MON2: variants seen among roughly 807,000 people sequenced by gnomAD.
MON2 encodes the protein MON2 regulator of endosome-to-Golgi trafficking, also known as protein MON2 homolog.
In MON2, 84 loss-of-function variants were observed where a neutral mutation model predicts 208.6. That is an observed-to-expected ratio of 0.40 (90% CI 0.34 to 0.48). The LOEUF is 0.48. Ranked by LOEUF, MON2 falls within the 20% of genes least tolerant of loss-of-function variation. MON2 has a pLI of 0.59. For missense variants in MON2, 1,611 were observed against 2,015.4 expected (o/e 0.80, Z 3.84); for synonymous variants, 660 against 694.0 (o/e 0.95, Z 0.77).
intron 20 of MON2, 169 bp from the exon 21 acceptor site, chr12:62,544,729 T>C: frequency 6.6e-7 from 1 of 1,509,704 alleles, no homozygotes. Flanking sequence ...ATCTTTTTTC[T>C]TCTGTCTCTC....
At position 62,549,823 on chromosome 12, in the gene MON2, G is replaced by A; in HGVS notation, c.2909G>A (p.Gly970Asp). 1 of 1,587,268 alleles carries A rather than the reference G, an allele frequency of 6.3e-7. No homozygotes were observed. The highest frequency in any genetic ancestry group is 8.6e-7 in the Non-Finnish European group (1 of 1,166,090). The change falls in exon 23 of 35, where the codon GGT (glycine) becomes GAT (aspartate). Residue 970 changes from glycine (G) to aspartate (D), a missense_variant. Gly to Asp is a moderately conservative substitution (Grantham distance 94). Transcript: ENST00000393630. Reference protein sequence around the residue: ...QELNISLTSIGLLWNISDYFF... With the variant: ...QELNISLTSIDLLWNISDYFF... ...CTCAATATTAGTTTAACTTCAATAGGTTTATTGGTAAGTATCATTGTCCTT... is the reference window on the plus strand; with the variant it reads ...CTCAATATTAGTTTAACTTCAATAGATTTATTGGTAAGTATCATTGTCCTT...
chr12:62,478,121 T>TTGTG (rs59861392), intron 1 of MON2, among the ~76,000 whole-genome samples: 2,581 of 149,772 alleles, frequency 0.017, 28 homozygotes, highest in African/African-American at 0.032. Flanking sequence ...TAGATATAAT[T>TTGTG]TGTGTGTGTG....
At chr12:62,492,392 T>C (rs1247978079) in intron 2 of MON2, among the ~76,000 whole-genome samples, 1 of 118,434 alleles carries the variant, frequency 8.4e-6, no homozygotes, top group African/African-American at 3.3e-5. Context: ...TGAGACGGAG[T>C]CTCGCTCTGT....
intron 30 of MON2, among the ~76,000 whole-genome samples, chr12:62,574,916 G>C (rs2074720974): frequency 6.6e-6 from 1 of 152,060 alleles, no homozygotes; most frequent in Admixed American, 6.5e-5. Context: ...TTGGGCCCAG[G>C]AGTTCAAGAC....
At chr12:62,587,912 G>T in intron 33 of MON2, 162 bp from the exon 34 acceptor site, 2 of 522,248 alleles carry the variant, frequency 3.8e-6, no homozygotes, top group Non-Finnish European at 6.8e-6. Flanking sequence ...TAAATAAAAT[G>T]ATTTTTACTT....
chr12:62,515,035 G>A (rs1261140074), intron 8 of MON2, among the ~76,000 whole-genome samples: 3 of 152,206 alleles, frequency 2.0e-5, no homozygotes, highest in Admixed American at 6.5e-5. Context: ...TGCACTGTTG[G>A]TGGGAATATA....
Position 62,588,107 on chromosome 12 carries a change from A to C in MON2, c.4941A>C (p.Lys1647Asn), listed in dbSNP as rs200438950. Residue 1647 changes from lysine to asparagine, a missense_variant, in exon 34 of 35, where the codon AAA (lysine) becomes AAC (asparagine). Lys to Asn is a moderately conservative substitution (Grantham distance 94, BLOSUM62 0). Transcript: ENST00000393630. ...TAACAGAAATTATATTTGTTTTAAA[A>C]GCAGTCAGTACTCTTATTGATTCAC... ...QQVTEIIFVL[K>N]AVSTLIDSLK... The C allele has an allele frequency of 6.3e-7, 1 of 1,582,928 alleles. No homozygotes were observed.
intron 20 of MON2, among the ~76,000 whole-genome samples, chr12:62,543,412 G>A (rs1052690480): frequency 6.6e-6 from 1 of 152,060 alleles, no homozygotes; most frequent in Non-Finnish European, 1.5e-5. Flanking sequence ...CTGAAAATGG[G>A]TGACATTTTA....
intron 32 of MON2, among the ~76,000 whole-genome samples, chr12:62,583,949 A>G (rs1487156347): frequency 2.7e-5 from 4 of 146,754 alleles, no homozygotes; most frequent in Non-Finnish European, 4.5e-5. Context: ...GACAGAGTGA[A>G]GACCCTGTCT....
chr12:62,506,587 G>A (rs2071110137), intron 7 of MON2, among the ~76,000 whole-genome samples: 1 of 152,118 alleles, frequency 6.6e-6, no homozygotes, highest in Admixed American at 6.5e-5. Flanking sequence ...TTAGCCAGGT[G>A]TGGTGGCAGA....
In MON2 at chr12:62,592,949, G is replaced by A; in HGVS notation, c.*200G>A. On this transcript the variant is annotated 3_prime_UTR_variant, in exon 35 of 35. Coordinates refer to ENST00000393630, the MANE Select transcript of MON2 (RefSeq NM_015026.3). Reference sequence around the variant, plus strand: ...CAAAGGCTCCTGAATGAACAGCAGTGTAAGGCTTTAATAAATTAAACTGAT... The same window carrying A: ...CAAAGGCTCCTGAATGAACAGCAGTATAAGGCTTTAATAAATTAAACTGAT... 2.2e-6 allele frequency: 1 copy of A among 463,498 alleles called. No homozygotes were observed. The highest frequency in any genetic ancestry group is 4.5e-5 in the South Asian group (1 of 22,054). The allele number at this position is 463,498 out of a possible 1,614,324, so 28.7% of individuals were successfully genotyped here.
rs190349877 is a variant in MON2 at position 62,517,579 on chromosome 12, T to C, written c.985-6936T>C. ...TCCCTCATAGAAAGACACCAGAGCA[T>C]GCTTGCTCTCTCACTTTCTTGCCCT... is the stretch of plus-strand genomic sequence containing the variant. On this transcript the variant is annotated intron_variant, in intron 8 of 34. Transcript: ENST00000393630. 2.0e-5 allele frequency among the ~76,000 whole-genome samples: 3 copies of C among 152,286 alleles called. No individual in the cohort carries two copies. The East Asian group carries it at 5.8e-4, about 29-fold the overall frequency.
Position 62,560,498 on chromosome 12 carries a change from T to C in MON2, c.3417T>C (p.Phe1139=). Residue 1139 remains phenylalanine, a synonymous_variant, in exon 26 of 35, where the codon TTT becomes TTC. Transcript: ENST00000393630. ...TTTCTCTTCCTAATATAGGAGATTT[T>C]TCAAGAGCTTGGGATGTTCTTCTTG... ...RRYLLQPLGD[F]SRAWDVLLDH... The C allele has an allele frequency of 6.3e-7, 1 of 1,594,894 alleles. No individual in the cohort carries two copies. The highest frequency in any genetic ancestry group is 8.5e-7 in the Non-Finnish European group (1 of 1,174,942).
At chr12:62,501,460 G>A in intron 6 of MON2, 113 bp from the exon 7 acceptor site, 1 of 1,260,992 alleles carries the variant, frequency 7.9e-7, no homozygotes, top group Non-Finnish European at 1.1e-6. Context: ...TTTCTAAGGA[G>A]CAAAAACATG....
intron 1 of MON2, among the ~76,000 whole-genome samples, chr12:62,474,125 T>TC (rs1350194337): frequency 6.6e-6 from 1 of 151,314 alleles, no homozygotes; most frequent in East Asian, 1.9e-4. Context: ...TTTTCTTTTT[T>TC]TTTTTTTTCT....
At chr12:62,549,158 G>C (rs1439904176) in intron 22 of MON2, among the ~76,000 whole-genome samples, 3 of 151,870 alleles carry the variant, frequency 2.0e-5, no homozygotes, top group African/African-American at 4.8e-5. Flanking sequence ...TTGCCTGTAA[G>C]CTTCTTTCTT....
At chr12:62,542,157 A>G (rs898618223) in intron 19 of MON2, among the ~76,000 whole-genome samples, 2 of 152,108 alleles carry the variant, frequency 1.3e-5, no homozygotes, top group Non-Finnish European at 2.9e-5. Context: ...TGCTTTCCAC[A>G]TTAGCGCATG....
intron 5 of MON2, 66 bp downstream of exon 5, chr12:62,499,114 C>T (rs1343192288): frequency 7.7e-6 from 12 of 1,550,932 alleles, no homozygotes; most frequent in African/African-American, 6.9e-5. Flanking sequence ...TATTAACTTT[C>T]GGCCTTTGCT....
intron 29 of MON2, among the ~76,000 whole-genome samples, chr12:62,569,892 G>A (rs1391880693): frequency 6.6e-6 from 1 of 152,142 alleles, no homozygotes; most frequent in Non-Finnish European, 1.5e-5. Flanking sequence ...TATTGTATGA[G>A]TATTCAGTAA....
Sources: gnomAD v4.1 joint callset for allele counts (sites outside exome capture counted in the v4.1 genomes callset) on GRCh38, gnomAD v4.1.1 for gene constraint, MANE v1.5 for transcripts, NCBI Gene and HGNC (gene_info 2026-07-23, HGNC 2026-07-21) for gene names.